The following FGF2 variants were observed in gnomAD, a reference collection of about 807,000 sequenced individuals.
FGF2 encodes the protein basic fibroblast growth factor bFGF.
In FGF2, 13 loss-of-function variants were observed where a neutral mutation model predicts 15.9. The ratio of observed to expected loss-of-function variants is 0.82; its 90% CI spans 0.53 to 1.30. The LOEUF (loss-of-function observed/expected upper bound fraction) is 1.30, where lower values mean the gene tolerates loss of function less well. Ranked by LOEUF, FGF2 falls within the 50% of genes most tolerant of loss-of-function variation. The pLI is 0.00. For missense variants in FGF2, 163 were observed against 196.9 expected (o/e 0.83, Z 1.03); for synonymous variants, 90 against 78.4 (o/e 1.15, Z -0.78).
intron 1 of FGF2, among the ~76,000 whole-genome samples, chr4:122,856,737 G>A (rs940136309): frequency 6.6e-6 from 1 of 152,096 alleles, no homozygotes; most frequent in Non-Finnish European, 1.5e-5. Flanking sequence ...GTAACATCTT[G>A]TGAAACAGTA....
chr4:122,885,941 C>G (rs1192896406), intron 2 of FGF2, among the ~76,000 whole-genome samples: 1 of 87,976 alleles, frequency 1.1e-5, no homozygotes, highest in African/African-American at 5.2e-5. Context: ...TTTTTTGAGA[C>G]AGGTTCTTGC....
At chr4:122,889,203 T>G (rs1727119248) in intron 2 of FGF2, among the ~76,000 whole-genome samples, 1 of 152,198 alleles carries the variant, frequency 6.6e-6, no homozygotes, top group African/African-American at 2.4e-5. Context: ...GTTGTGACTT[T>G]TAAAGTATAT....
Position 122,892,531 on chromosome 4 carries a change from T to C in FGF2, c.*135T>C. ...GGTCAAACAATTTTTTATCCAGTAG[T>C]AAAATATGTAACCATTGTCCCAGTA... is the stretch of plus-strand genomic sequence containing the variant. On this transcript the variant is annotated 3_prime_UTR_variant, in exon 3 of 3. Coordinates refer to ENST00000644866, the MANE Select transcript of FGF2 (RefSeq NM_001361665.2). The C allele has an allele frequency of 6.7e-7, 1 of 1,502,618 alleles. No individual in the cohort carries two copies. 93.1% of individuals were successfully genotyped at this position (1,502,618 alleles called of 1,614,324 possible).
Position 122,827,233 on chromosome 4 carries a change from C to T in FGF2, c.59C>T (p.Ala20Val), listed in dbSNP as rs931444914. 1 of 1,611,596 alleles carries T rather than the reference C, an allele frequency of 6.2e-7. No individual in the cohort carries two copies. Among genetic ancestry groups the T allele is most frequent in the Admixed American group, 1.7e-5 (1 of 59,944 alleles). The change falls in exon 1 of 3, where the codon GCC becomes GTC. Residue 20 changes from alanine (A) to valine (V), a missense_variant. Transcript: ENST00000644866. This position sits in a 1 kb window ranked among gnomAD's most constrained non-coding sequence, Gnocchi z 4.2. ...TTGCCCGAGGATGGCGGCAGCGGCG[C>T]CTTCCCGCCCGGCCACTTCAAGGAC... is the stretch of plus-strand genomic sequence containing the variant. ...PALPEDGGSG[A>V]FPPGHFKDPK...
At chr4:122,889,603 A>C (rs1727128053) in intron 2 of FGF2, among the ~76,000 whole-genome samples, 2 of 152,154 alleles carry the variant, frequency 1.3e-5, no homozygotes, top group African/African-American at 4.8e-5. Flanking sequence ...TTTTAAAAAA[A>C]TGCAGTTTGT....
chr4:122,892,976 G>A lies in FGF2; in HGVS notation c.*580G>A. ...TCTGTACCCATACAGCAGCAGCCTAGCAACTCTGCTGGTGATGGGAGTTGT... is the reference window on the plus strand; with the variant it reads ...TCTGTACCCATACAGCAGCAGCCTAACAACTCTGCTGGTGATGGGAGTTGT... On this transcript the variant is annotated 3_prime_UTR_variant, in exon 3 of 3. Coordinates refer to ENST00000644866, the MANE Select transcript of FGF2 (RefSeq NM_001361665.2). 1 of 1,614,148 alleles carries A rather than the reference G, an allele frequency of 6.2e-7. No individual in the cohort carries two copies. Among genetic ancestry groups the A allele is most frequent in the Non-Finnish European group, 8.5e-7 (1 of 1,180,022 alleles).
intron 1 of FGF2, among the ~76,000 whole-genome samples, chr4:122,837,973 A>C (rs963630671): frequency 2.0e-5 from 3 of 152,206 alleles, no homozygotes; most frequent in Non-Finnish European, 4.4e-5. Flanking sequence ...TTCTCCTTAC[A>C]TATTTATATA....
At chr4:122,888,207 A>G (rs1727097027) in intron 2 of FGF2, among the ~76,000 whole-genome samples, 1 of 152,182 alleles carries the variant, frequency 6.6e-6, no homozygotes, top group South Asian at 2.1e-4. Context: ...TTCTCATACC[A>G]TGCAACCAAT....
intron 1 of FGF2, among the ~76,000 whole-genome samples, chr4:122,836,944 G>C (rs1307411838): frequency 1.3e-5 from 2 of 152,166 alleles, no homozygotes; most frequent in Non-Finnish European, 2.9e-5. Flanking sequence ...ACTGGTTATA[G>C]TACTCTAATT....
chr4:122,843,138 T>C (rs991568336), intron 1 of FGF2, among the ~76,000 whole-genome samples: 15 of 152,188 alleles, frequency 9.9e-5, no homozygotes, highest in Non-Finnish European at 1.9e-4. Context: ...TGTGGTGTTT[T>C]CCATGGGACA....
At position 122,827,107 on chromosome 4, in the gene FGF2, G is replaced by C. The variant is rs1578520442; in HGVS notation, c.-68G>C. 7 of 1,250,156 alleles carry C rather than the reference G, an allele frequency of 5.6e-6. No individual in the cohort carries two copies. In the East Asian group the frequency reaches 2.0e-4, roughly 36 times the overall value. 77.4% of individuals were successfully genotyped at this position (1,250,156 alleles called of 1,614,324 possible). A position where few individuals can be genotyped will look rare whatever the true frequency, so the allele number is the denominator to read the frequency against. On this transcript the variant is annotated 5_prime_UTR_variant, in exon 1 of 3. Coordinates refer to ENST00000644866, the MANE Select transcript of FGF2 (RefSeq NM_001361665.2). This position sits in a 1 kb window ranked among gnomAD's most constrained non-coding sequence, Gnocchi z 4.2. ...GAGCGGGTCGGAGGCCGGGGCCGGG[G>C]CCGGGGGACGGCGGCTCCCCGCGCG... is the stretch of plus-strand genomic sequence containing the variant.
intron 1 of FGF2, among the ~76,000 whole-genome samples, chr4:122,847,581 A>G (rs1726137963): frequency 6.6e-6 from 1 of 152,020 alleles, no homozygotes; most frequent in South Asian, 2.1e-4. Flanking sequence ...CTTTCCAGAG[A>G]AACTGAATGA....
chr4:122,834,646 G>T lies in FGF2; in HGVS notation c.178+7294G>T, dbSNP rs1725827792. On this transcript the variant is annotated intron_variant, in intron 1 of 2. Transcript: ENST00000644866. ...CTGCCTTTGCAAAAGTTATATCTGA[G>T]AAAATTATGACACTGCCAGAGATAT... is the stretch of plus-strand genomic sequence containing the variant. Among the ~76,000 whole-genome samples, 3 of 152,200 alleles carry T rather than the reference G, an allele frequency of 2.0e-5. No homozygotes were observed. The South Asian group carries it at 6.2e-4, about 31-fold the overall frequency.
chr4:122,850,563 T>C (rs1020406098), intron 1 of FGF2, among the ~76,000 whole-genome samples: 16 of 151,830 alleles, frequency 1.1e-4, no homozygotes, highest in African/African-American at 3.6e-4. Context: ...AATTAAGTCA[T>C]GGGAGCAGAC....
chr4:122,845,229 C>A (rs1726085708), intron 1 of FGF2, among the ~76,000 whole-genome samples: 1 of 152,122 alleles, frequency 6.6e-6, no homozygotes, highest in Non-Finnish European at 1.5e-5. Context: ...ATTCAGTAAA[C>A]CACGATGTAA....
At chr4:122,847,451 C>G (rs1427706130) in intron 1 of FGF2, among the ~76,000 whole-genome samples, 1 of 152,102 alleles carries the variant, frequency 6.6e-6, no homozygotes, top group African/African-American at 2.4e-5. Context: ...GGAAGTCAAC[C>G]TGGCTTTGGA....
At chr4:122,857,452 C>A (rs1190112054) in intron 1 of FGF2, among the ~76,000 whole-genome samples, 4 of 152,186 alleles carry the variant, frequency 2.6e-5, no homozygotes, top group African/African-American at 9.7e-5. Context: ...TAAATAGTTC[C>A]TACCTTTTCC....
intron 1 of FGF2, among the ~76,000 whole-genome samples, chr4:122,873,028 A>G (rs777587816): frequency 6.6e-6 from 1 of 152,208 alleles, no homozygotes; most frequent in Non-Finnish European, 1.5e-5. Flanking sequence ...ACATTTTGCT[A>G]TTTTTCTAAT....
chr4:122,891,118 G>A (rs1469640979), intron 2 of FGF2, among the ~76,000 whole-genome samples: 1 of 147,978 alleles, frequency 6.8e-6, no homozygotes, highest in African/African-American at 2.5e-5. Flanking sequence ...TCGGCTCACT[G>A]CAAGCTCCGC....
Sources: gnomAD v4.1 joint callset for allele counts (sites outside exome capture counted in the v4.1 genomes callset) on GRCh38, gnomAD v4.1.1 for gene constraint, Gnocchi (gnomAD v3.1) non-coding constraint, MANE v1.5 for transcripts, NCBI Gene and HGNC (gene_info 2026-07-23, HGNC 2026-07-21) for gene names.